The following IDE variants were observed in gnomAD, a reference collection of about 807,000 sequenced individuals.
The protein encoded by IDE is insulin degrading enzyme.
Under a neutral mutation model 133.2 loss-of-function variants are expected in IDE, and 58 were observed. That is an observed-to-expected ratio of 0.44 (90% CI 0.35 to 0.54). The LOEUF (loss-of-function observed/expected upper bound fraction) is 0.54, where lower values mean the gene tolerates loss of function less well. Among genes scored for constraint, IDE ranks in the 20% least tolerant of loss-of-function variants. The probability of loss-of-function intolerance (pLI) is 0.00; values close to 1 mark genes in which losing one functional copy is unlikely to be tolerated. For synonymous variants in IDE, 396 were observed against 421.3 expected, an observed-to-expected ratio of 0.94 and a Z score of 0.73; for missense variants, 981 against 1,234.0, an observed-to-expected ratio of 0.79 and a Z score of 3.07.
chr10:92,558,887 G>T (rs999733786), intron 1 of IDE: 1 of 150,410 alleles, frequency 6.6e-6, no homozygotes, highest in South Asian at 2.1e-4. Context: ...GAGCCAACAC[G>T]CCCGGCCTAG....
intron 6 of IDE, among the ~76,000 whole-genome samples, chr10:92,509,214 A>G (rs1848455985): frequency 6.6e-6 from 1 of 152,264 alleles, no homozygotes; most frequent in Admixed American, 6.5e-5. Context: ...TTTAGCATGT[A>G]AAGACCAGAA....
intron 20 of IDE, 97 bp downstream of exon 20, chr10:92,465,579 G>T: frequency 9.8e-7 from 1 of 1,021,240 alleles, no homozygotes; most frequent in Non-Finnish European, 1.5e-6. Flanking sequence ...GACCATGCCT[G>T]ATATACAGTG....
chr10:92,562,882 G>C (rs1305611589), intron 1 of IDE, among the ~76,000 whole-genome samples: 2 of 152,224 alleles, frequency 1.3e-5, no homozygotes, highest in Admixed American at 1.3e-4. Context: ...GCTCACGTCT[G>C]TAATCCCAGC....
At chr10:92,493,479 A>C (rs1356399263) in intron 11 of IDE, among the ~76,000 whole-genome samples, 1 of 151,700 alleles carries the variant, frequency 6.6e-6, no homozygotes, top group Non-Finnish European at 1.5e-5. Flanking sequence ...AGAAAACCTT[A>C]AACTCAGTTC....
intron 15 of IDE, chr10:92,478,736 CT>C: frequency 7.8e-7 from 1 of 1,280,328 alleles, no homozygotes; most frequent in Non-Finnish European, 1.0e-6. Flanking sequence ...CTTCAATAAC[CT>C]GATAAACAGG....
rs139611176 is a variant in IDE, at chr10:92,484,365, C to T, written c.1657-1028G>A. Among the ~76,000 whole-genome samples the T allele has an allele frequency of 3.8e-3, 564 of 150,342 alleles. 3 individuals are homozygous for T. The highest frequency in any genetic ancestry group is 0.013 in the African/African-American group (529 of 40,880). On this transcript the variant is annotated intron_variant, in intron 13 of 24. Coordinates refer to ENST00000265986, the MANE Select transcript of IDE (RefSeq NM_004969.4). The stretch of plus-strand genomic sequence containing the variant: ...TCGGGAGGCAGAGGTTGCAGTGAGC[C>T]GAGATCATGCCACTGCACTCCAGCC...
chr10:92,482,404 A>G (rs1392265868), intron 14 of IDE, among the ~76,000 whole-genome samples: 1 of 152,254 alleles, frequency 6.6e-6, no homozygotes, highest in Non-Finnish European at 1.5e-5. Flanking sequence ...AGCATTATTC[A>G]TAAATTTTAC....
intron 7 of IDE, among the ~76,000 whole-genome samples, 167 bp downstream of exon 7, chr10:92,508,561 A>AG (rs1848423532): frequency 6.7e-6 from 1 of 148,874 alleles, no homozygotes; most frequent in Non-Finnish European, 1.5e-5. Flanking sequence ...CTAAAAAAGA[A>AG]AAAAAAAAAA....
chr10:92,455,509 C>A (rs975343454), intron 24 of IDE, 67 bp downstream of exon 24: 71 of 1,024,154 alleles, frequency 6.9e-5, no homozygotes, highest in Middle Eastern at 5.4e-4. Flanking sequence ...ACAAAAAAAA[C>A]CAAGCTGCTT....
At chr10:92,496,532 T>G (rs190677596) in intron 11 of IDE, among the ~76,000 whole-genome samples, 74 of 152,252 alleles carry the variant, frequency 4.9e-4, no homozygotes, top group Admixed American at 3.4e-3. Context: ...ATGCCTGTAA[T>G]CTCAACAATT....
At chr10:92,551,084 C>T (rs74644848) in intron 1 of IDE, among the ~76,000 whole-genome samples, 11,316 of 152,256 alleles carry the variant, frequency 0.074, 492 homozygotes, top group Middle Eastern at 0.11. Context: ...AAACCAAAGA[C>T]TCAAACAGAT....
intron 11 of IDE, among the ~76,000 whole-genome samples, chr10:92,500,020 G>A (rs1022662571): frequency 2.0e-5 from 3 of 152,098 alleles, no homozygotes; most frequent in African/African-American, 2.4e-5. Context: ...CTGACTGGCC[G>A]GGTGCAGTGG....
Position 92,494,335 on chromosome 10 carries a change from T to A in IDE, c.1431-3740A>T, listed in dbSNP as rs535348944. Among the ~76,000 whole-genome samples the A allele has an allele frequency of 4.6e-5, 7 of 151,098 alleles. No homozygotes were observed. In the South Asian group the frequency reaches 1.5e-3, roughly 32 times the overall value. On this transcript the variant is annotated intron_variant, in intron 11 of 24. Transcript: ENST00000265986. ...CTCCCACCTTGGCCTCCCAGAGTGCTAGGATTACAGGCATGAGCTACCATG... is the reference window on the plus strand; with the variant it reads ...CTCCCACCTTGGCCTCCCAGAGTGCAAGGATTACAGGCATGAGCTACCATG...
chr10:92,485,125 C>CTTTTTTTTTTTTTTTTTTTTTTTT (rs34615998), intron 13 of IDE, among the ~76,000 whole-genome samples: 3 of 100,860 alleles, frequency 3.0e-5, no homozygotes, highest in African/African-American at 7.8e-5. Flanking sequence ...TTCTTTCTTT[C>CTTTTTTTTTTTTTTTTTTTTTTTT]TTTTTTTTTT....
chr10:92,456,232 A>G (rs1005075694), intron 23 of IDE, 127 bp downstream of exon 23: 2 of 711,048 alleles, frequency 2.8e-6, no homozygotes, highest in African/African-American at 3.5e-5. Context: ...ATATCTGCAG[A>G]CCTTATCTCC....
chr10:92,564,224 G>T (rs574965450), intron 1 of IDE, among the ~76,000 whole-genome samples: 4 of 152,160 alleles, frequency 2.6e-5, no homozygotes, highest in Non-Finnish European at 4.4e-5. Flanking sequence ...TCCATTAGAG[G>T]AGAGAAGCAA....
At chr10:92,471,358 A>G (rs1025126145) in intron 17 of IDE, among the ~76,000 whole-genome samples, 5 of 152,240 alleles carry the variant, frequency 3.3e-5, no homozygotes, top group Middle Eastern at 3.2e-3. Flanking sequence ...CTTACCACAG[A>G]TCAGGAATTT....
intron 11 of IDE, among the ~76,000 whole-genome samples, chr10:92,499,640 C>A (rs1350280180): frequency 6.6e-6 from 1 of 152,156 alleles, no homozygotes; most frequent in Non-Finnish European, 1.5e-5. Flanking sequence ...TCATGTTGCC[C>A]AGGCTGGTCT....
intron 1 of IDE, among the ~76,000 whole-genome samples, chr10:92,555,726 G>A (rs1368056870): frequency 6.6e-6 from 1 of 152,120 alleles, no homozygotes; most frequent in Non-Finnish European, 1.5e-5. Flanking sequence ...GCTACTGCTA[G>A]CATCGTACTT....
Sources: gnomAD v4.1 joint callset for allele counts (sites outside exome capture counted in the v4.1 genomes callset) on GRCh38, gnomAD v4.1.1 for gene constraint, MANE v1.5 for transcripts, NCBI Gene and HGNC (gene_info 2026-07-23, HGNC 2026-07-21) for gene names.